MAPK14: variants seen among roughly 807,000 people sequenced by gnomAD.
The protein encoded by MAPK14 is mitogen-activated protein kinase 14.
MAPK14 carries 16 observed loss-of-function variants against 49.6 expected under a neutral mutation model. The observed-to-expected ratio is 0.32, with a 90% confidence interval of 0.22 to 0.49. The LOEUF is 0.49. MAPK14 is among the 20% of genes least tolerant of loss of function. The pLI is 0.99. For missense variants in MAPK14, 200 were observed against 441.2 expected (o/e 0.45, Z 4.90); for synonymous variants, 142 against 158.0 (o/e 0.90, Z 0.76).
intron 3 of MAPK14, among the ~76,000 whole-genome samples, chr6:36,063,035 C>T (rs1025595196): frequency 1.3e-5 from 2 of 152,116 alleles, no homozygotes; most frequent in African/African-American, 4.8e-5. Flanking sequence ...TATATACAGT[C>T]ATGCATCAGT....
the MAPK14 span, among the ~76,000 whole-genome samples, chr6:36,118,111 A>T: frequency 6.6e-6 from 1 of 152,374 alleles, no homozygotes; most frequent in Admixed American, 6.5e-5. Context: ...AGTTGGCTGC[A>T]CAGCAATTTA....
At chr6:36,068,205 G>A (rs1410403270) in intron 3 of MAPK14, among the ~76,000 whole-genome samples, 1 of 152,118 alleles carries the variant, frequency 6.6e-6, no homozygotes, top group Non-Finnish European at 1.5e-5. Context: ...TCAGTGCAAA[G>A]GTCCTGAGGC....
intron 8 of MAPK14, among the ~76,000 whole-genome samples, chr6:36,084,202 C>T (rs1282069114): frequency 6.6e-6 from 1 of 152,124 alleles, no homozygotes; most frequent in East Asian, 1.9e-4. Context: ...GGTTAGCAGC[C>T]TCAAAGTTCA....
downstream of MAPK14, among the ~76,000 whole-genome samples, chr6:36,113,925 TG>T (rs1268062126): frequency 1.3e-5 from 2 of 152,232 alleles, no homozygotes; most frequent in African/African-American, 2.4e-5. Flanking sequence ...ACCAGTACTT[TG>T]TAGCGGCATT....
intron 3 of MAPK14, among the ~76,000 whole-genome samples, chr6:36,059,706 C>G (rs536361237): frequency 6.6e-6 from 1 of 151,996 alleles, no homozygotes; most frequent in Non-Finnish European, 1.5e-5. Flanking sequence ...TTAAAAGACA[C>G]GGGGTCTTGT....
intron 1 of MAPK14, among the ~76,000 whole-genome samples, chr6:36,042,599 T>G (rs745876335): frequency 1.2e-4 from 18 of 151,230 alleles, no homozygotes; most frequent in Middle Eastern, 3.4e-3. Flanking sequence ...TCAAGTGATC[T>G]TCCTACCTCA....
the MAPK14 span, among the ~76,000 whole-genome samples, chr6:36,122,690 G>T: frequency 4.7e-4 from 72 of 152,326 alleles, no homozygotes; most frequent in African/African-American, 1.7e-3. Context: ...GACCTCGGAG[G>T]AGGTGACACA....
chr6:36,039,253 A>G (rs747375672), intron 1 of MAPK14, among the ~76,000 whole-genome samples: 5 of 152,166 alleles, frequency 3.3e-5, no homozygotes, highest in Admixed American at 6.5e-5. Context: ...GTTGCAGAAA[A>G]TAAGTTTTCC....
intron 2 of MAPK14, among the ~76,000 whole-genome samples, chr6:36,058,282 T>A (rs1344156923): frequency 6.6e-6 from 1 of 152,200 alleles, no homozygotes. Flanking sequence ...TTTCGTGGAA[T>A]ACATTTTTAA....
intron 8 of MAPK14, among the ~76,000 whole-genome samples, chr6:36,093,475 T>A (rs555730027): frequency 5.9e-5 from 9 of 152,032 alleles, no homozygotes; most frequent in Non-Finnish European, 1.2e-4. Context: ...ATCCCAGCCC[T>A]TTGGGAGGCC....
intron 10 of MAPK14, among the ~76,000 whole-genome samples, chr6:36,105,573 A>AATAT (rs150518635): frequency 6.6e-6 from 1 of 151,346 alleles, no homozygotes; most frequent in Non-Finnish European, 1.5e-5. Context: ...CCATCAGAAG[A>AATAT]ATATATATAT....
chr6:36,096,235 A>G, intron 9 of MAPK14, 169 bp downstream of exon 9: 1 of 554,576 alleles, frequency 1.8e-6, no homozygotes, highest in Non-Finnish European at 3.2e-6. Context: ...GCGTGCACGC[A>G]TGTGTGCCTG....
the MAPK14 span, among the ~76,000 whole-genome samples, chr6:36,120,220 TAGAAC>T: frequency 1.3e-4 from 20 of 152,248 alleles, no homozygotes; most frequent in African/African-American, 4.8e-4. Context: ...GTAGAGCACT[TAGAAC>T]AGTGTGTGGC....
intron 1 of MAPK14, among the ~76,000 whole-genome samples, chr6:36,039,269 A>G (rs1762864511): frequency 6.6e-6 from 1 of 152,232 alleles, no homozygotes; most frequent in Non-Finnish European, 1.5e-5. Context: ...TTTCCTGCAA[A>G]CATAGATTCC....
intron 9 of MAPK14, chr6:36,097,655 A>G (rs901401750): frequency 6.6e-6 from 1 of 152,196 alleles, no homozygotes; most frequent in Non-Finnish European, 1.5e-5. Flanking sequence ...CATCTGCCCT[A>G]TAGATACGTG....
chr6:36,029,476 AAACT>A (rs1165032412), intron 1 of MAPK14, among the ~76,000 whole-genome samples: 1 of 152,176 alleles, frequency 6.6e-6, no homozygotes, highest in Non-Finnish European at 1.5e-5. Flanking sequence ...TACGGATCTT[AAACT>A]AAGTATCAGA....
At chr6:36,039,212 A>C (rs1762861846) in intron 1 of MAPK14, among the ~76,000 whole-genome samples, 1 of 152,080 alleles carries the variant, frequency 6.6e-6, no homozygotes, top group Non-Finnish European at 1.5e-5. Context: ...TTTTCATCAG[A>C]GCTCCCCCTC....
intron 9 of MAPK14, chr6:36,100,073 G>A: frequency 1.4e-6 from 1 of 713,470 alleles, no homozygotes; most frequent in Non-Finnish European, 2.6e-6. Flanking sequence ...TAGGGGGAAT[G>A]GAGGGTAGGT....
rs1158861096 is a variant in MAPK14 at position 36,110,372 on chromosome 6, G to T, written c.*1925G>T. 6.6e-6 allele frequency: 1 copy of T among 152,610 alleles called. No individual in the cohort carries two copies. Among genetic ancestry groups the T allele is most frequent in the African/African-American group, 2.4e-5 (1 of 41,456 alleles). The allele number at this position is 152,610 out of a possible 1,614,324, so 9.5% of individuals were successfully genotyped here. On this transcript the variant is annotated 3_prime_UTR_variant, in exon 12 of 12. Transcript: ENST00000229794. Reference sequence around the variant, plus strand: ...AGGAAAGTGAACCTTTAAAGTAAAGGCCTCATCTCCTTTATTGCAGTTCAA... The same window carrying T: ...AGGAAAGTGAACCTTTAAAGTAAAGTCCTCATCTCCTTTATTGCAGTTCAA...
Sources: gnomAD v4.1 joint callset for allele counts (sites outside exome capture counted in the v4.1 genomes callset) on GRCh38, gnomAD v4.1.1 for gene constraint, MANE v1.5 for transcripts, NCBI Gene and HGNC (gene_info 2026-07-23, HGNC 2026-07-21) for gene names.